The following CCSER1 variants were observed in gnomAD, a reference collection of about 807,000 sequenced individuals.
CCSER1 encodes coiled-coil serine rich protein 1, also known as serine-rich coiled-coil domain-containing protein 1.
Under a neutral mutation model 82.0 loss-of-function variants are expected in CCSER1, and 41 were observed. The observed-to-expected ratio is 0.50, with a 90% confidence interval of 0.39 to 0.65. The LOEUF (loss-of-function observed/expected upper bound fraction) is 0.65. CCSER1 is among the 30% of genes least tolerant of loss of function. The probability of loss-of-function intolerance (pLI) is 0.00; values close to 1 mark genes in which losing one functional copy is unlikely to be tolerated. For synonymous variants in CCSER1, 414 were observed against 383.9 expected (o/e 1.08, Z -0.92); for missense variants, 1,119 against 1,064.2 (o/e 1.05, Z -0.72).
chr4:90,147,142 A>ATGTGTAAGACACTTTACTGTGTCTTTCTG (rs1332625017), intron 1 of CCSER1, among the ~76,000 whole-genome samples: 3,674 of 150,672 alleles, frequency 0.024, 98 homozygotes, highest in South Asian at 0.038. Context: ...AATGCTTTCC[A>ATGTGTAAGACACTTTACTGTGTCTTTCTG]TGTGTAAGAC....
chr4:90,643,628 C>T (rs1433009145), intron 6 of CCSER1, among the ~76,000 whole-genome samples: 2 of 152,060 alleles, frequency 1.3e-5, no homozygotes, highest in African/African-American at 4.8e-5. Flanking sequence ...ATGCTCAATA[C>T]GTATTAGATA....
At chr4:90,808,614 A>G (rs1757828547) in intron 7 of CCSER1, among the ~76,000 whole-genome samples, 1 of 152,140 alleles carries the variant, frequency 6.6e-6, no homozygotes, top group South Asian at 2.1e-4. Context: ...AGATATACAA[A>G]TGGCCAACAA....
intron 3 of CCSER1, among the ~76,000 whole-genome samples, chr4:90,366,907 G>A (rs1224363457): frequency 2.6e-5 from 4 of 151,582 alleles, no homozygotes; most frequent in African/African-American, 4.8e-5. Flanking sequence ...TTTAATAAAA[G>A]GTATGTATAA....
chr4:91,260,743 T>C (rs1442131913), intron 10 of CCSER1, among the ~76,000 whole-genome samples: 1 of 150,894 alleles, frequency 6.6e-6, no homozygotes, highest in Admixed American at 6.6e-5. Flanking sequence ...TAGGAAGTTT[T>C]TTATTTATTT....
At chr4:91,392,210 A>C (rs1751693683) in intron 10 of CCSER1, among the ~76,000 whole-genome samples, 1 of 152,096 alleles carries the variant, frequency 6.6e-6, no homozygotes, top group Non-Finnish European at 1.5e-5. Flanking sequence ...CTCTTGAAAA[A>C]TATAAATTTA....
At chr4:90,546,070 GA>G (rs1325463121) in intron 5 of CCSER1, among the ~76,000 whole-genome samples, 1 of 152,082 alleles carries the variant, frequency 6.6e-6, no homozygotes, top group African/African-American at 2.4e-5. Context: ...CCTTTTATGT[GA>G]AAGAGTCATT....
intron 5 of CCSER1, among the ~76,000 whole-genome samples, chr4:90,569,926 G>A (rs186589874): frequency 5.3e-5 from 8 of 152,292 alleles, no homozygotes; most frequent in Non-Finnish European, 1.0e-4. Context: ...CCCCATCTGA[G>A]TGCTTTGCTG....
chr4:91,279,406 A>G (rs563393694), intron 10 of CCSER1, among the ~76,000 whole-genome samples: 1 of 152,130 alleles, frequency 6.6e-6, no homozygotes, highest in East Asian at 1.9e-4. Flanking sequence ...ATGGTATCCT[A>G]TATGTCTCAT....
At chr4:90,435,191 G>A (rs887151992) in intron 4 of CCSER1, among the ~76,000 whole-genome samples, 2 of 152,068 alleles carry the variant, frequency 1.3e-5, no homozygotes, top group Admixed American at 1.3e-4. Flanking sequence ...TATGCGTGAA[G>A]AATAGGAAGA....
In CCSER1 at chr4:91,423,686, C is replaced by T. The variant is rs1024285869; in HGVS notation, c.2218-174886C>T. On this transcript the variant is annotated intron_variant, in intron 10 of 10. Coordinates refer to ENST00000509176, the MANE Select transcript of CCSER1 (RefSeq NM_001145065.2). ...ACTGGAACTTTATTCAGAAGAGTTT[C>T]CCCCTATCTACTTATCTTACTAGCA... Among the ~76,000 whole-genome samples, 4 of 152,008 alleles carry T rather than the reference C, an allele frequency of 2.6e-5. 1 individual carries two copies. Among genetic ancestry groups the T allele is most frequent in the African/African-American group, 4.8e-5 (2 of 41,350 alleles).
intron 10 of CCSER1, among the ~76,000 whole-genome samples, chr4:91,410,868 C>A (rs1165403632): frequency 6.6e-6 from 1 of 151,856 alleles, no homozygotes; most frequent in Non-Finnish European, 1.5e-5. Context: ...AATCACTAAA[C>A]AAAATCAATA....
intron 5 of CCSER1, among the ~76,000 whole-genome samples, chr4:90,598,256 A>G (rs1418309693): frequency 1.3e-5 from 2 of 151,730 alleles, no homozygotes; most frequent in Non-Finnish European, 2.9e-5. Flanking sequence ...TTTTTTTATT[A>G]TTATTTCTTT....
At chr4:90,363,784 C>A (rs1339596529) in intron 3 of CCSER1, among the ~76,000 whole-genome samples, 5 of 151,804 alleles carry the variant, frequency 3.3e-5, no homozygotes, top group African/African-American at 1.2e-4. Context: ...TTCATTTTCC[C>A]ACTCATTATT....
intron 1 of CCSER1, among the ~76,000 whole-genome samples, chr4:90,235,539 A>G (rs1158200585): frequency 6.6e-6 from 1 of 152,226 alleles, no homozygotes; most frequent in Non-Finnish European, 1.5e-5. Context: ...TAACTACATT[A>G]GATATTTTAG....
chr4:91,111,850 G>GAAAAAAAAAAAAAAAAAAAAAAAA (rs201011412), intron 10 of CCSER1, among the ~76,000 whole-genome samples: 1 of 79,136 alleles, frequency 1.3e-5, no homozygotes, highest in Admixed American at 1.3e-4. Flanking sequence ...CAATAAAACA[G>GAAAAAAAAAAAAAAAAAAAAAAAA]AAAAAAAAAA....
In CCSER1 at chr4:91,257,945, AT is replaced by A. The variant is rs550943362; in HGVS notation, c.2217+171954del. Among the ~76,000 whole-genome samples the A allele has an allele frequency of 7.0e-4, 107 of 152,232 alleles. 2 individuals carry two copies. In the East Asian group the frequency reaches 0.02, roughly 29 times the overall value. On this transcript the variant is annotated intron_variant, in intron 10 of 10. Transcript: ENST00000509176. ...AAAAGATTTATTTTAATACTTAAGC[AT>A]TTAACTGGAGGCTGTTAACGATTAA...
rs542678204 is a variant in CCSER1, at chr4:90,918,252, G to A, written c.2095-5118G>A. Reference sequence around the variant, plus strand: ...TAGATTCTAAAGCAAACTACTACACGTAGGCCATCATGTTCCAAGTTTTTG... The same window carrying A: ...TAGATTCTAAAGCAAACTACTACACATAGGCCATCATGTTCCAAGTTTTTG... On this transcript the variant is annotated intron_variant, in intron 8 of 10. Coordinates refer to ENST00000509176, the MANE Select transcript of CCSER1 (RefSeq NM_001145065.2). 387 of 455,376 alleles carry A rather than the reference G, an allele frequency of 8.5e-4. 3 individuals carry two copies. The highest frequency in any genetic ancestry group is 7.2e-3 in the African/African-American group (359 of 50,086). The allele number at this position is 455,376 out of a possible 1,614,324, so 28.2% of individuals were successfully genotyped here. A position where few individuals can be genotyped will look rare whatever the true frequency, so the allele number is the denominator to read the frequency against.
chr4:91,004,172 C>T (rs573871600), intron 9 of CCSER1, among the ~76,000 whole-genome samples: 9 of 152,230 alleles, frequency 5.9e-5, no homozygotes, highest in African/African-American at 1.4e-4. Context: ...TAGAGCAAAA[C>T]GTCACAATGT....
chr4:90,825,439 A>G (rs143950921), intron 8 of CCSER1, among the ~76,000 whole-genome samples: 1 of 152,318 alleles, frequency 6.6e-6, no homozygotes, highest in East Asian at 1.9e-4. Context: ...AAACGCAACA[A>G]TTTAAGTAGT....
Sources: allele counts gnomAD v4.1 joint callset (sites outside exome capture counted in the v4.1 genomes callset), GRCh38; gene constraint gnomAD v4.1.1; transcripts MANE v1.5; gene names NCBI Gene and HGNC (gene_info 2026-07-23, HGNC 2026-07-21).